The following CDKN2B-AS1 variants were observed in gnomAD, a reference collection of about 807,000 sequenced individuals.
CDKN2B-AS1 encodes CDKN2B and CDKN2A antisense cis and trans regulatory RNA 1.
intron 1 of CDKN2B-AS1, among the ~76,000 whole-genome samples, chr9:22,014,491 C>T (rs992326864): frequency 6.6e-6 from 1 of 152,008 alleles, no homozygotes; most frequent in African/African-American, 2.4e-5. Context: ...AGAAAGTTCT[C>T]TTCATTATCT....
At chr9:22,090,357 T>G (rs1378270364) in intron 4 of CDKN2B-AS1, among the ~76,000 whole-genome samples, 4 of 152,210 alleles carry the variant, frequency 2.6e-5, no homozygotes, top group Admixed American at 1.3e-4. Context: ...ATGGGATGGC[T>G]GGGTCAAATG....
chr9:22,093,723 A>T (rs1587522169), intron 4 of CDKN2B-AS1, among the ~76,000 whole-genome samples: 1 of 143,506 alleles, frequency 7.0e-6, no homozygotes, highest in Non-Finnish European at 1.5e-5. Flanking sequence ...TCTGCACATG[A>T]GATGGGATTC....
intron 4 of CDKN2B-AS1, among the ~76,000 whole-genome samples, chr9:22,100,176 G>T (rs960704735): frequency 6.6e-6 from 1 of 151,836 alleles, no homozygotes; most frequent in African/African-American, 2.4e-5. Context: ...TAACTTCCAC[G>T]GTATAATTTC....
intron 1 of CDKN2B-AS1, chr9:22,030,959 T>C (rs1488959663): frequency 6.6e-6 from 1 of 152,124 alleles, no homozygotes; most frequent in Non-Finnish European, 1.5e-5. Flanking sequence ...TGTAGTTAGG[T>C]TTGCTCTTAT....
chr9:22,114,594 T>C (rs1158536765), intron 4 of CDKN2B-AS1, among the ~76,000 whole-genome samples: 2 of 152,244 alleles, frequency 1.3e-5, no homozygotes, highest in African/African-American at 4.8e-5. Context: ...AAGGCAAAGC[T>C]GCCCACCAGA....
chr9:22,114,410 G>A (rs1387237146), intron 4 of CDKN2B-AS1, among the ~76,000 whole-genome samples: 1 of 152,190 alleles, frequency 6.6e-6, no homozygotes, highest in East Asian at 1.9e-4. Context: ...CAAGAGATTC[G>A]CCGAGGTAAA....
chr9:22,102,443 A>G (rs147184954), intron 4 of CDKN2B-AS1, among the ~76,000 whole-genome samples: 240 of 152,314 alleles, frequency 1.6e-3, no homozygotes, highest in African/African-American at 5.5e-3. Flanking sequence ...CAGAAGGTCT[A>G]AAATCAAGAC....
chr9:22,010,867 C>T (rs1172049090), intron 1 of CDKN2B-AS1, among the ~76,000 whole-genome samples: 2 of 152,074 alleles, frequency 1.3e-5, no homozygotes, highest in African/African-American at 4.8e-5. Flanking sequence ...GAGCCATTTT[C>T]TTAGGTAGTA....
At chr9:22,037,790 T>C (rs140034165) in intron 1 of CDKN2B-AS1, among the ~76,000 whole-genome samples, 2 of 152,170 alleles carry the variant, frequency 1.3e-5, no homozygotes, top group East Asian at 3.9e-4. Flanking sequence ...TTTACCTCAT[T>C]TGGTTCTATA....
chr9:22,049,890 A>C lies in CDKN2B-AS1; in HGVS notation n.302+662A>C, dbSNP rs535662525. On this transcript the variant is annotated intron_variant and non_coding_transcript_variant, in intron 3 of 4. Coordinates refer to ENST00000650946, the Ensembl canonical transcript of CDKN2B-AS1. ...TAGTAGCTATTATTATTTTTCCTTA[A>C]ATATTTTTTTTCTGGCTTCCTAGCA... is the stretch of plus-strand genomic sequence containing the variant. Among the ~76,000 whole-genome samples the C allele has an allele frequency of 3.1e-4, 34 of 110,774 alleles. No individual in the cohort carries two copies. The Middle Eastern group carries it at 0.046, about 150-fold the overall frequency. 72.7% of individuals were successfully genotyped at this position (110,774 alleles called of 152,430 possible). A position where few individuals can be genotyped will look rare whatever the true frequency, so the allele number is the denominator to read the frequency against.
At chr9:22,017,550 C>T (rs894152817) in intron 1 of CDKN2B-AS1, among the ~76,000 whole-genome samples, 4 of 152,098 alleles carry the variant, frequency 2.6e-5, no homozygotes, top group African/African-American at 9.7e-5. Flanking sequence ...CATTGAAACT[C>T]ATTCTTGAAT....
At chr9:22,104,178 T>C (rs1563984058) in intron 4 of CDKN2B-AS1, among the ~76,000 whole-genome samples, 1 of 152,134 alleles carries the variant, frequency 6.6e-6, no homozygotes, top group Admixed American at 6.5e-5. Flanking sequence ...GTCCCTTCCA[T>C]AGCATTGCCA....
intron 1 of CDKN2B-AS1, among the ~76,000 whole-genome samples, chr9:22,044,063 T>C (rs1823009612): frequency 6.6e-6 from 1 of 151,998 alleles, no homozygotes; most frequent in Admixed American, 6.6e-5. Context: ...GCCATGAGTA[T>C]CAGATAAATA....
intron 4 of CDKN2B-AS1, among the ~76,000 whole-genome samples, chr9:22,087,728 G>A (rs1439455253): frequency 2.0e-5 from 3 of 152,060 alleles, no homozygotes; most frequent in African/African-American, 7.2e-5. Flanking sequence ...TGTATCATCT[G>A]CACTAATAGA....
intron 4 of CDKN2B-AS1, among the ~76,000 whole-genome samples, chr9:22,074,307 C>T (rs1267837871): frequency 6.6e-6 from 1 of 152,082 alleles, no homozygotes; most frequent in Non-Finnish European, 1.5e-5. Flanking sequence ...AGAAAGAGGT[C>T]CTACTAGTCC....
chr9:22,118,442 T>A (rs1231655880), intron 4 of CDKN2B-AS1: 1 of 152,148 alleles, frequency 6.6e-6, no homozygotes, highest in African/African-American at 2.4e-5. Context: ...CTCAAAGATG[T>A]CAATAAGCCA....
intron 4 of CDKN2B-AS1, among the ~76,000 whole-genome samples, chr9:22,111,208 G>A (rs1186022159): frequency 2.6e-5 from 4 of 152,044 alleles, no homozygotes; most frequent in African/African-American, 4.8e-5. Flanking sequence ...ATCTTAAGAT[G>A]CACTACAAAA....
chr9:22,047,235 G>A (rs554369448), intron 2 of CDKN2B-AS1, among the ~76,000 whole-genome samples: 1 of 152,050 alleles, frequency 6.6e-6, no homozygotes, highest in African/African-American at 2.4e-5. Flanking sequence ...CTTTTCCCAA[G>A]CCTTAAAACT....
chr9:22,008,742 G>A (rs1441844928), intron 1 of CDKN2B-AS1: 1 of 1,610,706 alleles, frequency 6.2e-7, no homozygotes, highest in Admixed American at 1.7e-5. Context: ...GATCCGCCGA[G>A]GCCGCGCCCC....
Sources: allele counts gnomAD v4.1 joint callset (sites outside exome capture counted in the v4.1 genomes callset), GRCh38; gene constraint gnomAD v4.1.1; transcripts MANE v1.5; gene names NCBI Gene and HGNC (gene_info 2026-07-23, HGNC 2026-07-21).